TAF1B: variants seen among roughly 807,000 people sequenced by gnomAD.
The protein encoded by TAF1B is TATA box-binding protein-associated factor RNA polymerase I subunit B.
In TAF1B, 61 loss-of-function variants were observed where a neutral mutation model predicts 83.9. The ratio of observed to expected loss-of-function variants is 0.73; its 90% CI spans 0.59 to 0.90. The LOEUF is 0.90. Among genes scored for constraint, TAF1B ranks in the 40% least tolerant of loss-of-function variants. The pLI is 0.00. For synonymous variants in TAF1B, 221 were observed against 224.6 expected (o/e 0.98, Z 0.14); for missense variants, 625 against 677.0 (o/e 0.92, Z 0.85).
intron 12 of TAF1B, chr2:9,913,499 C>T: frequency 3.0e-6 from 1 of 335,674 alleles, no homozygotes; most frequent in East Asian, 4.7e-5. Context: ...ATGCAGGATA[C>T]CACAGTATAC....
At position 9,868,299 on chromosome 2, in the gene TAF1B, T is replaced by A. The variant is rs752674845; in HGVS notation, c.423T>A (p.His141Gln). The A allele has an allele frequency of 6.8e-5, 110 of 1,613,886 alleles. No individual in the cohort carries two copies. Among genetic ancestry groups the A allele is most frequent in the Admixed American group, 8.3e-5 (5 of 59,992 alleles). ...KPTVLEDNLS[H>Q]SDWASEPELL... ...AGGTATTAGAAGATAATCTAAGTCA[T>A]TCAGACTGGGCTAGTGAGCCTGAGC... Residue 141 changes from histidine to glutamine, a missense_variant, in exon 6 of 15, where the codon CAT (histidine) becomes CAA (glutamine). Physicochemically the swap from His to Gln is conservative, Grantham distance 24. Coordinates refer to ENST00000263663, the MANE Select transcript of TAF1B (RefSeq NM_005680.3).
intron 8 of TAF1B, 57 bp downstream of exon 8, chr2:9,882,862 T>C: frequency 8.1e-7 from 1 of 1,227,558 alleles, no homozygotes. Flanking sequence ...AGTGGTATGA[T>C]AATTTCTATT....
At chr2:9,853,868 C>G (rs1308203564) in intron 4 of TAF1B, among the ~76,000 whole-genome samples, 1 of 152,170 alleles carries the variant, frequency 6.6e-6, no homozygotes, top group Non-Finnish European at 1.5e-5. Flanking sequence ...GCTTTGTACT[C>G]TGATCCTTAA....
chr2:9,895,028 G>A (rs1664975655), intron 8 of TAF1B, among the ~76,000 whole-genome samples: 1 of 152,108 alleles, frequency 6.6e-6, no homozygotes, highest in Non-Finnish European at 1.5e-5. Context: ...CTGTTCAGTT[G>A]GCAAATCCTC....
At chr2:9,878,859 T>A (rs1314888976) in intron 7 of TAF1B, among the ~76,000 whole-genome samples, 1 of 152,164 alleles carries the variant, frequency 6.6e-6, no homozygotes, top group Non-Finnish European at 1.5e-5. Flanking sequence ...TGCACTAACC[T>A]GATAAATAAG....
intron 9 of TAF1B, among the ~76,000 whole-genome samples, chr2:9,908,279 T>G (rs1199723552): frequency 6.6e-6 from 1 of 151,942 alleles, no homozygotes; most frequent in Non-Finnish European, 1.5e-5. Context: ...TCTCCTGACC[T>G]CAGGTGATCT....
chr2:9,849,933 A>G (rs143087989), intron 3 of TAF1B, among the ~76,000 whole-genome samples: 1 of 152,138 alleles, frequency 6.6e-6, no homozygotes, highest in African/African-American at 2.4e-5. Context: ...GCTAGGACCA[A>G]ATCCCCAAGT....
intron 9 of TAF1B, among the ~76,000 whole-genome samples, chr2:9,906,333 C>T (rs4668650): frequency 0.51 from 78,192 of 151,986 alleles, 23,118 homozygotes; most frequent in Non-Finnish European, 0.68. Flanking sequence ...AAATCCGTTA[C>T]AATATACAGA....
intron 8 of TAF1B, among the ~76,000 whole-genome samples, chr2:9,902,420 T>G (rs535144621): frequency 3.4e-4 from 51 of 152,222 alleles, no homozygotes; most frequent in African/African-American, 1.2e-3. Flanking sequence ...CTACCCACCC[T>G]TAGAGTAATC....
At chr2:9,893,385 C>T (rs1272803022) in intron 8 of TAF1B, among the ~76,000 whole-genome samples, 1 of 151,596 alleles carries the variant, frequency 6.6e-6, no homozygotes, top group Non-Finnish European at 1.5e-5. Context: ...CAAACAAAAC[C>T]AGAAACAATC....
intron 2 of TAF1B, among the ~76,000 whole-genome samples, chr2:9,847,191 C>T (rs1321957606): frequency 6.6e-6 from 1 of 152,154 alleles, no homozygotes; most frequent in Non-Finnish European, 1.5e-5. Context: ...ACTGTCAACT[C>T]CTGTGGAGTA....
intron 12 of TAF1B, among the ~76,000 whole-genome samples, chr2:9,915,735 C>A (rs769580591): frequency 1.3e-5 from 2 of 152,148 alleles, no homozygotes; most frequent in East Asian, 3.8e-4. Context: ...GTTTTTCACT[C>A]CTAGATATTT....
intron 8 of TAF1B, among the ~76,000 whole-genome samples, chr2:9,888,792 T>TG: frequency 2.1e-5 from 1 of 46,708 alleles, no homozygotes; most frequent in Admixed American, 2.4e-4. Flanking sequence ...TCTGCTTGGT[T>TG]TTTTTTTTTT....
intron 8 of TAF1B, among the ~76,000 whole-genome samples, chr2:9,894,702 G>C (rs1273660365): frequency 6.6e-6 from 1 of 152,088 alleles, no homozygotes; most frequent in African/African-American, 2.4e-5. Flanking sequence ...TATACCTGGG[G>C]CTTCCCTCAC....
chr2:9,850,590 G>A (rs1663354200), intron 3 of TAF1B, among the ~76,000 whole-genome samples: 3 of 152,154 alleles, frequency 2.0e-5, no homozygotes, highest in Admixed American at 2.0e-4. Context: ...TCAGGTAAGG[G>A]AGAAGAGTTG....
intron 12 of TAF1B, 170 bp downstream of exon 12, chr2:9,913,419 A>G: frequency 2.0e-6 from 1 of 489,892 alleles, no homozygotes; most frequent in Non-Finnish European, 3.6e-6. Flanking sequence ...ATTACTATTA[A>G]TCAAAGTTTA....
intron 11 of TAF1B, among the ~76,000 whole-genome samples, chr2:9,912,809 T>C (rs939151628): frequency 6.6e-6 from 1 of 152,236 alleles, no homozygotes; most frequent in African/African-American, 2.4e-5. Flanking sequence ...TCCTCTGTTC[T>C]TACAGTTCTT....
intron 14 of TAF1B, among the ~76,000 whole-genome samples, chr2:9,928,084 C>G (rs1193182748): frequency 1.3e-5 from 2 of 152,144 alleles, no homozygotes; most frequent in African/African-American, 4.8e-5. Context: ...CTACATATGG[C>G]TAGCCAGTTT....
At chr2:9,924,490 G>A (rs887301583) in intron 14 of TAF1B, among the ~76,000 whole-genome samples, 1 of 152,226 alleles carries the variant, frequency 6.6e-6, no homozygotes, top group African/African-American at 2.4e-5. Flanking sequence ...CGCAGAGCCT[G>A]AAGTTCATGG....
Sources: allele counts gnomAD v4.1 joint callset (sites outside exome capture counted in the v4.1 genomes callset), GRCh38; gene constraint gnomAD v4.1.1; transcripts MANE v1.5; gene names NCBI Gene and HGNC (gene_info 2026-07-23, HGNC 2026-07-21).